NRG3: variants seen among roughly 807,000 people sequenced by gnomAD.
The protein encoded by NRG3 is neuregulin 3.
A neutral mutation model predicts 66.9 loss-of-function variants in NRG3; 31 were observed. The ratio of observed to expected loss-of-function variants is 0.46; its 90% CI spans 0.35 to 0.63. The LOEUF (loss-of-function observed/expected upper bound fraction) is 0.63. NRG3 is among the 20% of genes least tolerant of loss of function. The pLI, the probability that NRG3 is intolerant of heterozygous loss-of-function variation, is 0.00. For synonymous variants in NRG3, 393 were observed against 359.4 expected (o/e 1.09, Z -1.06); for missense variants, 910 against 878.9 (o/e 1.04, Z -0.45).
At chr10:82,820,405 G>A (rs1285687812) in intron 3 of NRG3, among the ~76,000 whole-genome samples, 1 of 151,798 alleles carries the variant, frequency 6.6e-6, no homozygotes. Context: ...GGGGTTTCTG[G>A]CCCTTAATTT....
chr10:82,892,665 CAATAAATA>C (rs369613241), intron 4 of NRG3, among the ~76,000 whole-genome samples: 198 of 146,634 alleles, frequency 1.4e-3, no homozygotes, highest in Middle Eastern at 7.1e-3. Context: ...TAACCTGTCT[CAATAAATA>C]AATAAATAAA....
chr10:82,277,406 T>G (rs898294272), intron 1 of NRG3, among the ~76,000 whole-genome samples: 12 of 152,112 alleles, frequency 7.9e-5, no homozygotes, highest in Non-Finnish European at 1.3e-4. Context: ...ATAAGGTTGT[T>G]TAAAACCATG....
At chr10:82,531,786 C>A (rs1847298108) in intron 2 of NRG3, among the ~76,000 whole-genome samples, 1 of 151,682 alleles carries the variant, frequency 6.6e-6, no homozygotes, top group Admixed American at 6.6e-5. Context: ...CTAAGTGCTT[C>A]TTTTCTTTAA....
At chr10:82,749,539 C>T (rs2254621) in intron 3 of NRG3, among the ~76,000 whole-genome samples, 92,101 of 151,936 alleles carry the variant, frequency 0.61, 30,794 homozygotes, top group South Asian at 0.75. Flanking sequence ...ACTCTCCATA[C>T]AGTTTAATTT....
At chr10:82,012,531 C>T (rs928791058) in intron 1 of NRG3, among the ~76,000 whole-genome samples, 1 of 152,182 alleles carries the variant, frequency 6.6e-6, no homozygotes, top group African/African-American at 2.4e-5. Flanking sequence ...TCTTTTCTAT[C>T]ACATTGTCAG....
chr10:82,877,039 A>C (rs1467018367), intron 4 of NRG3, among the ~76,000 whole-genome samples: 5 of 151,860 alleles, frequency 3.3e-5, no homozygotes, highest in Non-Finnish European at 7.4e-5. Context: ...AAAAAAAAAA[A>C]GAAAGAAAGT....
chr10:82,784,788 T>G (rs1190565358), intron 3 of NRG3, among the ~76,000 whole-genome samples: 1 of 147,536 alleles, frequency 6.8e-6, no homozygotes, highest in Non-Finnish European at 1.5e-5. Context: ...ATTGTGGAAG[T>G]CAGTGTGGCG....
chr10:82,120,355 A>G (rs185033135), intron 1 of NRG3, among the ~76,000 whole-genome samples: 15 of 152,226 alleles, frequency 9.9e-5, no homozygotes, highest in Non-Finnish European at 2.2e-4. Context: ...TGTTTTGTTA[A>G]AAGTTTTAGG....
intron 2 of NRG3, among the ~76,000 whole-genome samples, chr10:82,517,651 G>C (rs1253636670): frequency 4.0e-5 from 5 of 125,552 alleles, no homozygotes; most frequent in Non-Finnish European, 7.9e-5. Context: ...GTGTTTGTGT[G>C]TGTGTGTGTG....
intron 2 of NRG3, among the ~76,000 whole-genome samples, chr10:82,446,394 A>G (rs763793487): frequency 2.6e-5 from 4 of 152,238 alleles, no homozygotes; most frequent in East Asian, 1.9e-4. Flanking sequence ...CCAAATGCTC[A>G]TCAATGATAG....
chr10:81,975,792 G>T (rs2060103555), intron 1 of NRG3, among the ~76,000 whole-genome samples: 1 of 152,142 alleles, frequency 6.6e-6, no homozygotes, highest in Non-Finnish European at 1.5e-5. Context: ...TCACTAATCA[G>T]CTGGCCTTAA....
chr10:82,597,781 C>T lies in NRG3; in HGVS notation c.954-140796C>T, dbSNP rs1038468783. Among the ~76,000 whole-genome samples the T allele has an allele frequency of 6.6e-5, 10 of 152,076 alleles. No individual in the cohort carries two copies. The South Asian group carries it at 2.1e-3, about 32-fold the overall frequency. ...ACGAAAAACACAAAAATTAGCTGGG[C>T]ATGGTGGCATGTGCCTGTAGTCCTA... On this transcript the variant is annotated intron_variant, in intron 2 of 8. Transcript: ENST00000372141.
intron 2 of NRG3, among the ~76,000 whole-genome samples, chr10:82,377,474 G>A (rs1042454234): frequency 6.0e-5 from 9 of 150,324 alleles, no homozygotes; most frequent in African/African-American, 2.0e-4. Context: ...GCGCACATGC[G>A]TGAGTTCATC....
intron 1 of NRG3, among the ~76,000 whole-genome samples, chr10:82,093,512 A>G (rs2066151395): frequency 6.6e-6 from 1 of 152,200 alleles, no homozygotes; most frequent in Non-Finnish European, 1.5e-5. Context: ...GGCATTATGA[A>G]AGACTTCTGA....
chr10:82,143,178 G>A (rs944671642), intron 1 of NRG3, among the ~76,000 whole-genome samples: 2 of 152,082 alleles, frequency 1.3e-5, no homozygotes, highest in African/African-American at 4.8e-5. Context: ...GACTGATGCT[G>A]AAATGATGGC....
intron 2 of NRG3, among the ~76,000 whole-genome samples, chr10:82,651,717 T>G (rs2051428435): frequency 6.6e-6 from 1 of 152,174 alleles, no homozygotes; most frequent in Non-Finnish European, 1.5e-5. Context: ...TTGTCACAAC[T>G]GGGAGGTGGG....
chr10:82,472,027 G>A (rs1841316042), intron 2 of NRG3, among the ~76,000 whole-genome samples: 1 of 151,962 alleles, frequency 6.6e-6, no homozygotes, highest in Non-Finnish European at 1.5e-5. Context: ...TAATATGAGT[G>A]GATGGTGGAG....
chr10:82,843,099 A>T (rs2063142256), intron 3 of NRG3: 1 of 319,758 alleles, frequency 3.1e-6, no homozygotes, highest in Non-Finnish European at 6.4e-6. Flanking sequence ...CACAGAAGGT[A>T]TATTTGTGGA....
chr10:82,321,540 C>T (rs889244766), intron 1 of NRG3, among the ~76,000 whole-genome samples: 1 of 152,184 alleles, frequency 6.6e-6, no homozygotes, highest in Non-Finnish European at 1.5e-5. Flanking sequence ...CATTTTGAAT[C>T]TCTGCTTTAT....
Sources: gnomAD v4.1 joint callset for allele counts (sites outside exome capture counted in the v4.1 genomes callset) on GRCh38, gnomAD v4.1.1 for gene constraint, MANE v1.5 for transcripts, NCBI Gene and HGNC (gene_info 2026-07-23, HGNC 2026-07-21) for gene names.